The following LRRTM4 variants were observed in gnomAD, a reference collection of about 807,000 sequenced individuals.
LRRTM4 encodes the protein leucine-rich repeat transmembrane neuronal protein 4.
A neutral mutation model predicts 47.6 loss-of-function variants in LRRTM4; 25 were observed. The observed-to-expected ratio is 0.53, with a 90% confidence interval of 0.38 to 0.73. LRRTM4 has a LOEUF of 0.73. Ranked by LOEUF, LRRTM4 falls within the 30% of genes least tolerant of loss-of-function variation. The pLI is 0.00. For synonymous variants in LRRTM4, 311 were observed against 269.5 expected, an observed-to-expected ratio of 1.15 and a Z score of -1.51; for missense variants, 638 against 713.4, an observed-to-expected ratio of 0.89 and a Z score of 1.20.
At chr2:76,790,638 G>C (rs898722489) in intron 3 of LRRTM4, among the ~76,000 whole-genome samples, 2 of 152,082 alleles carry the variant, frequency 1.3e-5, no homozygotes, top group Admixed American at 6.6e-5. Flanking sequence ...ATTTCTCGTG[G>C]ATAGCATTAG....
At chr2:77,212,495 C>T (rs11884088) in intron 3 of LRRTM4, among the ~76,000 whole-genome samples, 8 of 136,040 alleles carry the variant, frequency 5.9e-5, no homozygotes, top group African/African-American at 1.7e-4. Flanking sequence ...AGAGAGAGAG[C>T]GAGAGAGTTA....
Position 77,067,621 on chromosome 2 carries a change from T to G in LRRTM4, c.1552-318705A>C, listed in dbSNP as rs184537615. 2.4e-3 allele frequency among the ~76,000 whole-genome samples: 345 copies of G among 146,164 alleles called. 1 individual carries two copies. Among genetic ancestry groups the G allele is most frequent in the Middle Eastern group, 7.1e-3 (2 of 282 alleles). ...CTTTCCAGAACTCAGGAAAAAAAAA[T>G]AAGAAGATACATATTATGAAAAACA... On this transcript the variant is annotated intron_variant, in intron 3 of 3. Coordinates refer to ENST00000409884, the MANE Select transcript of LRRTM4 (RefSeq NM_001134745.3).
intron 3 of LRRTM4, among the ~76,000 whole-genome samples, chr2:77,035,267 AC>A (rs1216899322): frequency 4.8e-4 from 72 of 151,558 alleles, no homozygotes; most frequent in African/African-American, 9.2e-4. Context: ...AGAAAAACAA[AC>A]AAACAAACAA....
At chr2:77,107,175 G>A (rs1671114263) in intron 3 of LRRTM4, among the ~76,000 whole-genome samples, 1 of 152,020 alleles carries the variant, frequency 6.6e-6, no homozygotes, top group African/African-American at 2.4e-5. Flanking sequence ...GTCTTTGGAT[G>A]CTAAATTTCT....
intron 3 of LRRTM4, among the ~76,000 whole-genome samples, chr2:77,185,894 G>A (rs1673490843): frequency 6.6e-6 from 1 of 152,110 alleles, no homozygotes; most frequent in East Asian, 1.9e-4. Flanking sequence ...GGGCTCATCT[G>A]TAAAATAATA....
chr2:77,496,743 A>G (rs1420961567), intron 3 of LRRTM4, among the ~76,000 whole-genome samples: 1 of 151,654 alleles, frequency 6.6e-6, no homozygotes, highest in Non-Finnish European at 1.5e-5. Flanking sequence ...TGCCTGTAGT[A>G]TTGTTTCTTG....
chr2:76,783,266 G>T (rs1674495137), intron 3 of LRRTM4, among the ~76,000 whole-genome samples: 1 of 152,026 alleles, frequency 6.6e-6, no homozygotes, highest in Non-Finnish European at 1.5e-5. Flanking sequence ...GTGATATCTG[G>T]GAATCCACCT....
intron 3 of LRRTM4, among the ~76,000 whole-genome samples, chr2:77,036,534 A>G (rs974030240): frequency 1.1e-4 from 16 of 151,740 alleles, no homozygotes; most frequent in African/African-American, 3.6e-4. Flanking sequence ...GGCTTCCTAC[A>G]ATCCTTATCA....
intron 3 of LRRTM4, among the ~76,000 whole-genome samples, chr2:76,965,739 A>G (rs1280644537): frequency 2.0e-5 from 3 of 151,420 alleles, no homozygotes; most frequent in Non-Finnish European, 3.0e-5. Context: ...TAACTGTAAA[A>G]TACACAGTAC....
At chr2:77,306,938 C>T (rs1229403462) in intron 3 of LRRTM4, among the ~76,000 whole-genome samples, 27 of 114,466 alleles carry the variant, frequency 2.4e-4, no homozygotes, top group Non-Finnish European at 3.9e-4. Flanking sequence ...CTCGCTCTGT[C>T]GCCCAGGCTG....
intron 3 of LRRTM4, among the ~76,000 whole-genome samples, chr2:77,200,783 C>G (rs1673951767): frequency 6.6e-6 from 1 of 152,206 alleles, no homozygotes; most frequent in African/African-American, 2.4e-5. Context: ...GAAAAACTGA[C>G]ATAATTTAAT....
At chr2:77,326,399 T>C (rs187721902) in intron 3 of LRRTM4, among the ~76,000 whole-genome samples, 46 of 152,298 alleles carry the variant, frequency 3.0e-4, no homozygotes, top group Admixed American at 2.7e-3. Context: ...ATTTTACTTT[T>C]ATTTTAGTTT....
intron 3 of LRRTM4, among the ~76,000 whole-genome samples, chr2:77,499,088 G>A (rs1208215818): frequency 6.6e-6 from 1 of 151,712 alleles, no homozygotes; most frequent in Non-Finnish European, 1.5e-5. Context: ...CTCAACCACG[G>A]GTGATTTTGC....
At chr2:77,023,727 C>A (rs994644850) in intron 3 of LRRTM4, among the ~76,000 whole-genome samples, 2 of 152,094 alleles carry the variant, frequency 1.3e-5, no homozygotes, top group African/African-American at 4.8e-5. Context: ...CCTCAACCAG[C>A]ATTTTGGTCA....
chr2:77,091,351 C>G (rs1358626038), intron 3 of LRRTM4, among the ~76,000 whole-genome samples: 1 of 142,116 alleles, frequency 7.0e-6, no homozygotes, highest in Non-Finnish European at 1.5e-5. Flanking sequence ...TTACCCCACT[C>G]AACGCCAATA....
rs149889667 is a variant in LRRTM4, at chr2:76,888,588, A to G, written c.1552-139672T>C. 1.1e-3 allele frequency among the ~76,000 whole-genome samples: 164 copies of G among 151,924 alleles called. 3 individuals carry two copies. In the East Asian group the frequency reaches 0.024, roughly 22 times the overall value. On this transcript the variant is annotated intron_variant, in intron 3 of 3. Coordinates refer to ENST00000409884, the MANE Select transcript of LRRTM4 (RefSeq NM_001134745.3). ...TTACTTCAAGTAAAAAAATTAATAG[A>G]TATACTTTGCAATTAACCTTATCAA...
intron 3 of LRRTM4, among the ~76,000 whole-genome samples, chr2:76,903,855 A>G (rs1396708929): frequency 6.6e-6 from 1 of 152,124 alleles, no homozygotes; most frequent in African/African-American, 2.4e-5. Context: ...TCTTTTCTCA[A>G]TTATGTATAT....
At chr2:76,887,586 CAG>C (rs1206443274) in intron 3 of LRRTM4, among the ~76,000 whole-genome samples, 3 of 146,720 alleles carry the variant, frequency 2.0e-5, no homozygotes, top group Admixed American at 6.8e-5. Context: ...TATATACAAA[CAG>C]ATATAATATA....
At chr2:77,174,248 C>T (rs915774401) in intron 3 of LRRTM4, among the ~76,000 whole-genome samples, 6 of 152,164 alleles carry the variant, frequency 3.9e-5, no homozygotes, top group African/African-American at 1.4e-4. Context: ...CCCTCCTAGG[C>T]CTGTCTGGTA....
Sources: allele counts gnomAD v4.1 joint callset (sites outside exome capture counted in the v4.1 genomes callset), GRCh38; gene constraint gnomAD v4.1.1; transcripts MANE v1.5; gene names NCBI Gene and HGNC (gene_info 2026-07-23, HGNC 2026-07-21).